The following ZNF184 variants were observed in gnomAD, a reference collection of about 807,000 sequenced individuals.
ZNF184 encodes zinc finger protein 184.
Under a neutral mutation model 54.4 loss-of-function variants are expected in ZNF184, and 16 were observed. The observed-to-expected ratio is 0.29, with a 90% CI of 0.20 to 0.45. The LOEUF (loss-of-function observed/expected upper bound fraction) is 0.45, where lower values mean the gene tolerates loss of function less well. Among genes scored for constraint, ZNF184 ranks in the 20% least tolerant of loss-of-function variants. ZNF184 has a pLI of 1.00. For synonymous variants in ZNF184, 254 were observed against 295.3 expected (o/e 0.86, Z 1.43); for missense variants, 681 against 888.2 (o/e 0.77, Z 2.97).
the ZNF184 span, among the ~76,000 whole-genome samples, chr6:27,436,105 A>T: frequency 1.3e-5 from 2 of 151,864 alleles, 1 homozygote; most frequent in African/African-American, 4.8e-5. Context: ...TGTGTTTTTT[A>T]TGTATGGTTT....
At chr6:27,454,839 A>G (rs1333986735) in intron 5 of ZNF184, among the ~76,000 whole-genome samples, 1 of 152,262 alleles carries the variant, frequency 6.6e-6, no homozygotes, top group East Asian at 1.9e-4. Flanking sequence ...GTCTACAGAC[A>G]TTGACTATAC....
At chr6:27,436,563 A>C in the ZNF184 span, among the ~76,000 whole-genome samples, 72 of 152,270 alleles carry the variant, frequency 4.7e-4, no homozygotes, top group African/African-American at 1.7e-3. Context: ...CATTCTATTA[A>C]TGTGGTGTAT....
At chr6:27,460,345 T>C (rs574031082) in intron 3 of ZNF184, among the ~76,000 whole-genome samples, 71 of 152,320 alleles carry the variant, frequency 4.7e-4, no homozygotes, top group African/African-American at 1.5e-3. Context: ...AAACTATAAA[T>C]ATATTAAATC....
chr6:27,418,724 T>C, the ZNF184 span, among the ~76,000 whole-genome samples: 1 of 152,194 alleles, frequency 6.6e-6, no homozygotes, highest in Non-Finnish European at 1.5e-5. Context: ...CTTTTTAAAA[T>C]TGATTTATAA....
rs533279312 is a variant in ZNF184, at chr6:27,460,100, G to A, written c.76-2691C>T. 1.4e-3 allele frequency among the ~76,000 whole-genome samples: 213 copies of A among 152,276 alleles called. 1 individual carries two copies. Among genetic ancestry groups the A allele is most frequent in the Non-Finnish European group, 2.3e-3 (158 of 68,026 alleles). ...GAGGATTGCTTCCACCCAGAAGTTC[G>A]AGGTTGCAGTGACCTATGATCATAC... On this transcript the variant is annotated intron_variant, in intron 3 of 5. Transcript: ENST00000683788.
chr6:27,414,741 T>A, the ZNF184 span, among the ~76,000 whole-genome samples: 1 of 152,154 alleles, frequency 6.6e-6, no homozygotes, highest in Non-Finnish European at 1.5e-5. Context: ...GTATATACTC[T>A]ATACTTTTTA....
At chr6:27,409,520 A>AC in the ZNF184 span, among the ~76,000 whole-genome samples, 1 of 149,770 alleles carries the variant, frequency 6.7e-6, no homozygotes, top group Non-Finnish European at 1.5e-5. Context: ...AAAAAAAAAA[A>AC]ACACAAAACA....
the ZNF184 span, among the ~76,000 whole-genome samples, chr6:27,442,814 G>A: frequency 3.0e-4 from 2 of 6,560 alleles, no homozygotes; most frequent in Non-Finnish European, 6.6e-4. Context: ...GAAAGAAAGA[G>A]AAAGAAAGAA....
chr6:27,404,694 AACTT>A, the ZNF184 span: 1 of 152,190 alleles, frequency 6.6e-6, no homozygotes, highest in Non-Finnish European at 1.5e-5. Context: ...GGTGTAAACA[AACTT>A]ACTGCACTGC....
At chr6:27,428,957 C>T in the ZNF184 span, among the ~76,000 whole-genome samples, 5 of 152,278 alleles carry the variant, frequency 3.3e-5, no homozygotes, top group Admixed American at 6.5e-5. This position sits in a 1 kb window ranked among gnomAD's most constrained non-coding sequence, Gnocchi z 4.1. Flanking sequence ...TACTCCTTCC[C>T]GCCTCAGCAG....
the ZNF184 span, among the ~76,000 whole-genome samples, chr6:27,423,806 A>G: frequency 6.6e-6 from 1 of 152,242 alleles, no homozygotes; most frequent in Non-Finnish European, 1.5e-5. Context: ...AAATGTTCAC[A>G]TATTCATTTT....
the ZNF184 span, among the ~76,000 whole-genome samples, chr6:27,435,709 T>A: frequency 6.6e-6 from 1 of 152,382 alleles, no homozygotes; most frequent in South Asian, 2.1e-4. Context: ...TTGCATGACC[T>A]CGGAACTCTT....
the ZNF184 span, among the ~76,000 whole-genome samples, chr6:27,442,553 C>T: frequency 6.6e-6 from 1 of 151,726 alleles, no homozygotes; most frequent in East Asian, 1.9e-4. Context: ...CCCAGGAGTT[C>T]GAGGCTGCAC....
At position 27,451,430 on chromosome 6, in the gene ZNF184, C is replaced by A. The variant is rs1762715731; in HGVS notation, c.2129G>T (p.Ser710Ile). 1 of 1,614,130 alleles carries A rather than the reference C, an allele frequency of 6.2e-7. No individual in the cohort carries two copies. Among genetic ancestry groups the A allele is most frequent in the African/African-American group, 1.3e-5 (1 of 75,036 alleles). ...TCTCTGGTGCTGAATGAGATATGTG[C>A]TCTGGCTAAAAGTCTTTCTGCATTC... ...CNECRKTFSQ[S>I]TYLIQHQRIH... Residue 710 changes from serine to isoleucine, a missense_variant, in exon 6 of 6, where the codon AGC becomes ATC. By Grantham distance (142) the Ser-to-Ile change is moderately radical. Coordinates refer to ENST00000683788, the MANE Select transcript of ZNF184 (RefSeq NM_001318891.2).
chr6:27,422,376 A>C, the ZNF184 span, among the ~76,000 whole-genome samples: 1 of 151,986 alleles, frequency 6.6e-6, no homozygotes, highest in Non-Finnish European at 1.5e-5. Context: ...TGCTCTTTTC[A>C]AGGATTCTGA....
the ZNF184 span, among the ~76,000 whole-genome samples, chr6:27,434,063 C>G: frequency 6.8e-6 from 1 of 147,176 alleles, no homozygotes; most frequent in Admixed American, 6.9e-5. Flanking sequence ...CTTTGTCACC[C>G]AGGCTGCAGT....
At chr6:27,428,074 T>G in the ZNF184 span, among the ~76,000 whole-genome samples, 12 of 152,348 alleles carry the variant, frequency 7.9e-5, no homozygotes, top group Admixed American at 6.5e-4. The surrounding 1 kb of genome is among the most constrained non-coding windows in gnomAD (Gnocchi z 4.1). Flanking sequence ...ATATGAGCTC[T>G]CAGCTACAAC....
At chr6:27,469,670 C>T (rs947154677) in intron 2 of ZNF184, among the ~76,000 whole-genome samples, 2 of 151,588 alleles carry the variant, frequency 1.3e-5, no homozygotes, top group Admixed American at 6.6e-5. Context: ...TTGAATGAGA[C>T]ATGAGGTATG....
chr6:27,433,957 T>C, the ZNF184 span, among the ~76,000 whole-genome samples: 1 of 151,148 alleles, frequency 6.6e-6, no homozygotes, highest in Non-Finnish European at 1.5e-5. Context: ...CCTTCTTTCC[T>C]TCCTTCCTCT....
Sources: allele counts gnomAD v4.1 joint callset (sites outside exome capture counted in the v4.1 genomes callset), GRCh38; gene constraint gnomAD v4.1.1; non-coding constraint Gnocchi (gnomAD v3.1); transcripts MANE v1.5; gene names NCBI Gene and HGNC (gene_info 2026-07-23, HGNC 2026-07-21).